STYX: variants seen among roughly 807,000 people sequenced by gnomAD.
The protein encoded by STYX is serine/threonine/tyrosine-interacting protein.
STYX carries 20 observed loss-of-function variants against 42.7 expected under a neutral mutation model. The ratio of observed to expected loss-of-function variants is 0.47; its 90% CI spans 0.33 to 0.68. The LOEUF (loss-of-function observed/expected upper bound fraction) is 0.68. Ranked by LOEUF, STYX falls within the 30% of genes least tolerant of loss-of-function variation. The pLI is 0.02. For missense variants in STYX, 226 were observed against 268.5 expected, an observed-to-expected ratio of 0.84 and a Z score of 1.11; for synonymous variants, 78 against 81.9, an observed-to-expected ratio of 0.95 and a Z score of 0.26.
rs1219553238 is a variant in STYX at position 52,758,129 on chromosome 14, A to G, written c.431+205A>G. 4.6e-5 allele frequency among the ~76,000 whole-genome samples: 7 copies of G among 152,300 alleles called. No homozygotes were observed. In the South Asian group the frequency reaches 6.2e-4, roughly 14 times the overall value. On this transcript the variant is annotated intron_variant, in intron 8 of 10. Transcript: ENST00000354586. ...ATGCATAGGCTAATATGGAAATCCT[A>G]TGGAAAACTACTTACCTACCACAAG...
intron 3 of STYX, among the ~76,000 whole-genome samples, chr14:52,748,725 T>C (rs762633635): frequency 3.9e-5 from 6 of 152,234 alleles, no homozygotes; most frequent in Non-Finnish European, 7.3e-5. Context: ...TGTTTAAGCA[T>C]ATTTATACAT....
At position 52,761,850 on chromosome 14, in the gene STYX, G is replaced by A. The variant is rs540656423; in HGVS notation, c.504+2096G>A. Among the ~76,000 whole-genome samples, 13 of 149,412 alleles carry A rather than the reference G, an allele frequency of 8.7e-5. No individual in the cohort carries two copies. In the East Asian group the frequency reaches 2.5e-3, roughly 29 times the overall value. ...ACCTGAGATCAGGAGTTTGAGACCA[G>A]CCTGGCCAACATCGTGAAACCCTGT... On this transcript the variant is annotated intron_variant, in intron 9 of 10. Coordinates refer to ENST00000354586, the MANE Select transcript of STYX (RefSeq NM_145251.4).
At chr14:52,741,780 C>T (rs901874945) in intron 1 of STYX, among the ~76,000 whole-genome samples, 1 of 152,118 alleles carries the variant, frequency 6.6e-6, no homozygotes, top group Admixed American at 6.6e-5. Context: ...CTTATTTCTA[C>T]ATATTCTGTG....
chr14:52,752,172 A>AAAC (rs1447481716), intron 4 of STYX, among the ~76,000 whole-genome samples: 1 of 110,106 alleles, frequency 9.1e-6, no homozygotes, highest in Non-Finnish European at 2.0e-5. Flanking sequence ...AAACAAAACA[A>AAAC]AACAAAACAA....
intron 10 of STYX, among the ~76,000 whole-genome samples, chr14:52,769,354 C>G (rs997748127): frequency 6.6e-6 from 1 of 152,144 alleles, no homozygotes; most frequent in African/African-American, 2.4e-5. Context: ...TTAAAATCTT[C>G]CTTTCCCAAG....
chr14:52,758,029 T>C, intron 8 of STYX, 105 bp downstream of exon 8: 1 of 1,242,228 alleles, frequency 8.1e-7, no homozygotes, highest in South Asian at 1.4e-5. Flanking sequence ...TGATTATTTT[T>C]CATGTAGTCA....
chr14:52,740,077 G>A (rs1030592294), intron 1 of STYX, among the ~76,000 whole-genome samples: 4 of 152,176 alleles, frequency 2.6e-5, no homozygotes, highest in Admixed American at 2.6e-4. Context: ...AGGAGTTCAA[G>A]ACCAACCTGG....
intron 1 of STYX, among the ~76,000 whole-genome samples, chr14:52,737,882 TCTC>T (rs1390030947): frequency 6.6e-6 from 1 of 152,142 alleles, no homozygotes; most frequent in East Asian, 1.9e-4. Context: ...TTCACGCCAT[TCTC>T]CTGCCTCAGC....
chr14:52,744,757 T>C (rs1369949296), intron 1 of STYX, 95 bp from the exon 2 acceptor site: 2 of 1,185,422 alleles, frequency 1.7e-6, no homozygotes, highest in Non-Finnish European at 2.4e-6. Flanking sequence ...AATGTAACTT[T>C]AAAAAATCTA....
At chr14:52,764,400 T>C (rs2139931955) in intron 9 of STYX, among the ~76,000 whole-genome samples, 1 of 152,318 alleles carries the variant, frequency 6.6e-6, no homozygotes. Flanking sequence ...CTTCAAGCTT[T>C]CTAAATCACT....
chr14:52,764,921 A>G (rs140223967), intron 9 of STYX, among the ~76,000 whole-genome samples: 2,388 of 152,242 alleles, frequency 0.016, 34 homozygotes, highest in Non-Finnish European at 0.028. Flanking sequence ...CACCCGCCTC[A>G]GCATCCCGAA....
rs980530554 is a variant in STYX at position 52,730,283 on chromosome 14, C to G, written c.-192C>G. 2.0e-5 allele frequency: 12 copies of G among 610,046 alleles called. No individual in the cohort carries two copies. The Admixed American group carries it at 3.4e-4, about 17-fold the overall frequency. 37.8% of individuals were successfully genotyped at this position (610,046 alleles called of 1,614,324 possible). ...TGTAAGACGCCCGACCCTCCTCTTC[C>G]CTGTCTTCGCCGCCGCCGCTGCTGG... On this transcript the variant is annotated 5_prime_UTR_variant, in exon 1 of 11. Transcript: ENST00000354586.
rs919563992 is a variant in STYX at position 52,772,675 on chromosome 14, CCTCT to C, written c.*1572_*1575del. The stretch of plus-strand genomic sequence containing the variant: ...TACACCAAGTTACTTGCTTTGCTTT[CCTCT>C]CTATGATGTGATAATACAGTAAAAG... On this transcript the variant is annotated 3_prime_UTR_variant, in exon 11 of 11. Transcript: ENST00000354586. 12 of 152,478 alleles carry C rather than the reference CCTCT, an allele frequency of 7.9e-5. No individual in the cohort carries two copies. The highest frequency in any genetic ancestry group is 2.9e-4 in the African/African-American group (12 of 41,396). 9.4% of individuals were successfully genotyped at this position (152,478 alleles called of 1,614,324 possible). A position where few individuals can be genotyped will look rare whatever the true frequency, so the allele number is the denominator to read the frequency against.
Position 52,771,620 on chromosome 14 carries a change from A to G in STYX, c.*514A>G, listed in dbSNP as rs1277619151. On this transcript the variant is annotated 3_prime_UTR_variant, in exon 11 of 11. Coordinates refer to ENST00000354586, the MANE Select transcript of STYX (RefSeq NM_145251.4). ...AGCCTCTTACAGAAACATTAACAAA[A>G]TGCAGGAATCTGCCACATTTCTTTT... is the stretch of plus-strand genomic sequence containing the variant. 2 of 152,580 alleles carry G rather than the reference A, an allele frequency of 1.3e-5. No homozygotes were observed. The highest frequency in any genetic ancestry group is 2.9e-5 in the Non-Finnish European group (2 of 67,994). 9.5% of individuals were successfully genotyped at this position (152,580 alleles called of 1,614,324 possible).
At chr14:52,733,820 T>A (rs1437278463) in intron 1 of STYX, among the ~76,000 whole-genome samples, 1 of 152,070 alleles carries the variant, frequency 6.6e-6, no homozygotes, top group Admixed American at 6.6e-5. Flanking sequence ...AAAGAAAGAA[T>A]GAAGCAACAA....
At chr14:52,731,779 C>T (rs1880714086) in intron 1 of STYX, 1 of 151,884 alleles carries the variant, frequency 6.6e-6, no homozygotes, top group Non-Finnish European at 1.5e-5. Flanking sequence ...GGTATTGATG[C>T]TTGACAATTA....
rs756215460 is a variant in STYX, at chr14:52,746,462, T to G, written c.127T>G (p.Ser43Ala). 6.4e-7 allele frequency: 1 copy of G among 1,554,954 alleles called. No individual in the cohort carries two copies. Among genetic ancestry groups the G allele is most frequent in the Non-Finnish European group, 8.6e-7 (1 of 1,161,478 alleles). The change falls in exon 3 of 11, where the codon TCT becomes GCT. Residue 43 changes from serine (S) to alanine (A), a missense_variant. By Grantham distance (99) the Ser-to-Ala change is moderately conservative. Transcript: ENST00000354586. ...LPGLFLGPYSSAMKSKLPVLQ... is the reference protein window; with the variant it reads ...LPGLFLGPYSAAMKSKLPVLQ... ...TGGATTGTTCTTAGGCCCATATTCA[T>G]CTGCTATGAAAAGCAAGGTATGAAC...
intron 1 of STYX, among the ~76,000 whole-genome samples, chr14:52,743,370 A>G (rs1294489197): frequency 1.3e-5 from 2 of 152,002 alleles, no homozygotes; most frequent in Non-Finnish European, 2.9e-5. Context: ...TCACGAGGTC[A>G]GGAGATCAAG....
chr14:52,740,835 T>G (rs1396276892), intron 1 of STYX, among the ~76,000 whole-genome samples: 1 of 152,222 alleles, frequency 6.6e-6, no homozygotes, highest in Non-Finnish European at 1.5e-5. Flanking sequence ...TTGATGAACA[T>G]ACACTAATCC....
Sources: allele counts gnomAD v4.1 joint callset (sites outside exome capture counted in the v4.1 genomes callset), GRCh38; gene constraint gnomAD v4.1.1; transcripts MANE v1.5; gene names NCBI Gene and HGNC (gene_info 2026-07-23, HGNC 2026-07-21).